The following CDH18 variants were observed in gnomAD, a reference collection of about 807,000 sequenced individuals.
CDH18 encodes the protein cadherin 18.
In CDH18, 31 loss-of-function variants were observed where a neutral mutation model predicts 67.9. The observed-to-expected ratio is 0.46, with a 90% CI of 0.34 to 0.62. The LOEUF is 0.62. Ranked by LOEUF, CDH18 falls within the 20% of genes least tolerant of loss-of-function variation. The pLI is 0.01. For synonymous variants in CDH18, 362 were observed against 347.2 expected (o/e 1.04, Z -0.48); for missense variants, 890 against 975.5 (o/e 0.91, Z 1.17).
intron 2 of CDH18, among the ~76,000 whole-genome samples, chr5:19,917,384 A>T: frequency 6.9e-6 from 1 of 144,754 alleles, no homozygotes; most frequent in African/African-American, 2.7e-5. Flanking sequence ...AAGGTTTTAG[A>T]GTCATATTTG....
At chr5:20,057,275 A>C (rs1380078738) in intron 2 of CDH18, among the ~76,000 whole-genome samples, 1 of 152,182 alleles carries the variant, frequency 6.6e-6, no homozygotes, top group Non-Finnish European at 1.5e-5. Context: ...CCAGGAATTC[A>C]AAAAAGAAGT....
rs1236502139 is a variant in CDH18 at position 19,471,618 on chromosome 5, T to G, written c.*1608A>C. On this transcript the variant is annotated 3_prime_UTR_variant, in exon 13 of 13. Coordinates refer to ENST00000382275, the MANE Select transcript of CDH18 (RefSeq NM_004934.5). ...GGCCAGTTTTAGAAAATAGGACCAT[T>G]ATGGTATGAATTCTTACTTCAAGGC... Among the ~76,000 whole-genome samples the G allele has an allele frequency of 1.3e-5, 2 of 152,072 alleles. No homozygotes were observed. The highest frequency in any genetic ancestry group is 2.9e-5 in the Non-Finnish European group (2 of 68,002).
chr5:19,733,613 G>A (rs79952420), intron 4 of CDH18, among the ~76,000 whole-genome samples: 2,149 of 152,184 alleles, frequency 0.014, 44 homozygotes, highest in African/African-American at 0.049. Context: ...CTATAACACT[G>A]GCCCTCTGAC....
chr5:19,868,466 A>T (rs527775364), intron 2 of CDH18, among the ~76,000 whole-genome samples: 1 of 152,178 alleles, frequency 6.6e-6, no homozygotes, highest in Non-Finnish European at 1.5e-5. Context: ...ACACCACGAA[A>T]CATACGCTTA....
chr5:20,468,707 T>G (rs1348856502), intron 1 of CDH18, among the ~76,000 whole-genome samples: 1 of 152,190 alleles, frequency 6.6e-6, no homozygotes, highest in Non-Finnish European at 1.5e-5. Flanking sequence ...AAACTTACAC[T>G]GACTAAATAT....
chr5:20,540,984 C>T (rs914886345), intron 1 of CDH18, among the ~76,000 whole-genome samples: 2 of 152,156 alleles, frequency 1.3e-5, no homozygotes, highest in Non-Finnish European at 2.9e-5. Flanking sequence ...TGAGGAAGTT[C>T]TATTCTCACA....
At chr5:20,007,890 C>A (rs1737052843) in intron 2 of CDH18, among the ~76,000 whole-genome samples, 1 of 152,052 alleles carries the variant, frequency 6.6e-6, no homozygotes, top group African/African-American at 2.4e-5. Flanking sequence ...GTCAGGCCCA[C>A]TTGATTATAG....
intron 2 of CDH18, among the ~76,000 whole-genome samples, chr5:20,216,697 T>C (rs1740800100): frequency 6.6e-6 from 1 of 151,918 alleles, no homozygotes; most frequent in African/African-American, 2.4e-5. Context: ...TGCCTGTAGA[T>C]TCCTTCTTGT....
intron 2 of CDH18, among the ~76,000 whole-genome samples, chr5:19,860,343 C>A (rs535756750): frequency 6.6e-6 from 1 of 151,680 alleles, no homozygotes; most frequent in African/African-American, 2.4e-5. Context: ...TTTCATTCTA[C>A]ATCTCCAAAT....
At chr5:20,033,571 A>AT (rs987904612) in intron 2 of CDH18, among the ~76,000 whole-genome samples, 1 of 152,046 alleles carries the variant, frequency 6.6e-6, no homozygotes, top group Non-Finnish European at 1.5e-5. Flanking sequence ...TGTAGTGATC[A>AT]TTTTTTCTTC....
At chr5:19,927,468 G>A (rs993016165) in intron 2 of CDH18, among the ~76,000 whole-genome samples, 2 of 152,064 alleles carry the variant, frequency 1.3e-5, no homozygotes, top group African/African-American at 4.8e-5. Flanking sequence ...TCCAGATACT[G>A]AATTCTTAAT....
At chr5:20,194,216 C>T (rs760233057) in intron 2 of CDH18, among the ~76,000 whole-genome samples, 7 of 152,062 alleles carry the variant, frequency 4.6e-5, no homozygotes, top group Non-Finnish European at 7.4e-5. Flanking sequence ...ATTTAGAAAA[C>T]CCCATCATCT....
chr5:20,073,551 A>G (rs1743666321), intron 2 of CDH18, among the ~76,000 whole-genome samples: 1 of 152,074 alleles, frequency 6.6e-6, no homozygotes, highest in Non-Finnish European at 1.5e-5. Context: ...TTGACAAAAC[A>G]TAAGATTGCG....
At chr5:19,735,467 G>A (rs1163024884) in intron 4 of CDH18, among the ~76,000 whole-genome samples, 2 of 150,682 alleles carry the variant, frequency 1.3e-5, no homozygotes, top group African/African-American at 4.9e-5. Flanking sequence ...CGTGATCTCG[G>A]CTCACTGCAA....
intron 5 of CDH18, among the ~76,000 whole-genome samples, chr5:19,612,915 T>G (rs766748996): frequency 6.6e-6 from 1 of 151,018 alleles, no homozygotes; most frequent in African/African-American, 2.4e-5. Context: ...CCAAGGCGGG[T>G]GGATCACAAG....
chr5:20,189,251 C>G (rs1738347241), intron 2 of CDH18, among the ~76,000 whole-genome samples: 1 of 151,952 alleles, frequency 6.6e-6, no homozygotes, highest in African/African-American at 2.4e-5. Context: ...TCTTTACTTC[C>G]CTTAATATAG....
rs78589740 is a variant in CDH18, at chr5:19,571,674, A to T, written c.1158T>A (p.Pro386=). The change falls in exon 8 of 13, where the codon CCT becomes CCA. Residue 386 remains proline, a synonymous_variant. Coordinates refer to ENST00000382275, the MANE Select transcript of CDH18 (RefSeq NM_004934.5). Reference sequence around the variant, plus strand: ...TTTCGTAGACTTCCATGAGGTAGGAAGGCATGGAAAATAGTGGTGGTTCAT... The same window carrying T: ...TTTCGTAGACTTCCATGAGGTAGGATGGCATGGAAAATAGTGGTGGTTCAT... The part of the protein sequence containing the change: ...DVDEPPLFSM[P]SYLMEVYENA... 3.7e-6 allele frequency: 6 copies of T among 1,613,706 alleles called. No homozygotes were observed. The African/African-American group carries it at 4.0e-5, about 11-fold the overall frequency.
chr5:20,556,445 C>T (rs563117216), intron 1 of CDH18, among the ~76,000 whole-genome samples: 1 of 152,228 alleles, frequency 6.6e-6, no homozygotes, highest in East Asian at 1.9e-4. Flanking sequence ...AGACACTCAT[C>T]CCCGGCCAAA....
chr5:19,783,039 T>TA (rs1159377937), intron 3 of CDH18, among the ~76,000 whole-genome samples: 1 of 152,200 alleles, frequency 6.6e-6, no homozygotes, highest in African/African-American at 2.4e-5. Context: ...ATGACATCTG[T>TA]TTCACAGATG....
Sources: gnomAD v4.1 joint callset for allele counts (sites outside exome capture counted in the v4.1 genomes callset) on GRCh38, gnomAD v4.1.1 for gene constraint, MANE v1.5 for transcripts, NCBI Gene and HGNC (gene_info 2026-07-23, HGNC 2026-07-21) for gene names.